The following ATF6 variants were observed in gnomAD, a reference collection of about 807,000 sequenced individuals.
ATF6 encodes the protein activating transcription factor 6.
In ATF6, 53 loss-of-function variants were observed where a neutral mutation model predicts 83.6. The ratio of observed to expected loss-of-function variants is 0.63; its 90% CI spans 0.51 to 0.80. ATF6 has a LOEUF of 0.80. Among genes scored for constraint, ATF6 ranks in the 30% least tolerant of loss-of-function variants. ATF6 has a pLI of 0.00. For missense variants in ATF6, 744 were observed against 797.9 expected, an observed-to-expected ratio of 0.93 and a Z score of 0.81; for synonymous variants, 288 against 285.8, an observed-to-expected ratio of 1.01 and a Z score of -0.08.
At chr1:161,875,075 A>C (rs922396977) in intron 14 of ATF6, among the ~76,000 whole-genome samples, 1 of 151,790 alleles carries the variant, frequency 6.6e-6, no homozygotes, top group Non-Finnish European at 1.5e-5. Flanking sequence ...TTTTGTTAAC[A>C]TTAAGAAAAA....
chr1:161,825,891 A>G (rs1209999925), intron 9 of ATF6, among the ~76,000 whole-genome samples: 1 of 152,114 alleles, frequency 6.6e-6, no homozygotes, highest in Non-Finnish European at 1.5e-5. Context: ...TTCTCTGGCA[A>G]TCAGCCTCCA....
chr1:161,879,041 G>C (rs937967727), intron 14 of ATF6, among the ~76,000 whole-genome samples: 2 of 152,110 alleles, frequency 1.3e-5, no homozygotes, highest in African/African-American at 4.8e-5. Context: ...CCTTGAGAAG[G>C]GGCAAAAGGG....
intron 14 of ATF6, among the ~76,000 whole-genome samples, chr1:161,880,046 T>A (rs577373887): frequency 6.6e-6 from 1 of 152,306 alleles, no homozygotes; most frequent in African/African-American, 2.4e-5. Flanking sequence ...ATCAGGGAAC[T>A]ATACCACTTG....
intron 15 of ATF6, among the ~76,000 whole-genome samples, chr1:161,937,614 A>G (rs1442868065): frequency 1.3e-5 from 2 of 152,014 alleles, no homozygotes; most frequent in African/African-American, 4.8e-5. Flanking sequence ...GCTGGAAACC[A>G]TCATTCTCAG....
chr1:161,942,690 A>C (rs1324878527), intron 15 of ATF6, among the ~76,000 whole-genome samples: 1 of 152,218 alleles, frequency 6.6e-6, no homozygotes, highest in Non-Finnish European at 1.5e-5. Flanking sequence ...CTTTGAAATA[A>C]GCAAGTCACT....
At chr1:161,934,707 T>C (rs151124072) in intron 15 of ATF6, among the ~76,000 whole-genome samples, 35 of 152,326 alleles carry the variant, frequency 2.3e-4, no homozygotes, top group African/African-American at 7.5e-4. Context: ...AGAACAGATA[T>C]GTTTTCATGG....
chr1:161,836,232 G>A (rs7534981), intron 9 of ATF6, among the ~76,000 whole-genome samples: 21,563 of 152,200 alleles, frequency 0.14, 2,092 homozygotes, highest in East Asian at 0.31. Flanking sequence ...CTTATCCTGA[G>A]ATGAGCTTGT....
chr1:161,770,857 C>T (rs1041584393), intron 1 of ATF6, among the ~76,000 whole-genome samples: 8 of 152,172 alleles, frequency 5.3e-5, no homozygotes, highest in Non-Finnish European at 1.0e-4. Flanking sequence ...AGCACAATTG[C>T]TGGATTGTGT....
chr1:161,932,715 A>G (rs1433562163), intron 15 of ATF6, among the ~76,000 whole-genome samples: 1 of 152,214 alleles, frequency 6.6e-6, no homozygotes, highest in Non-Finnish European at 1.5e-5. Flanking sequence ...TAGGAATCCA[A>G]GTAGAGTTTA....
chr1:161,853,411 G>T, intron 12 of ATF6, 88 bp downstream of exon 12: 6 of 983,538 alleles, frequency 6.1e-6, no homozygotes, highest in Admixed American at 6.1e-5. Flanking sequence ...TAGAAGGTTG[G>T]TAAACTTGAG....
intron 14 of ATF6, among the ~76,000 whole-genome samples, chr1:161,864,175 T>G (rs1311765736): frequency 6.6e-6 from 1 of 152,190 alleles, no homozygotes; most frequent in African/African-American, 2.4e-5. Context: ...GCTTTCTTTT[T>G]TTTTTTTAAG....
intron 15 of ATF6, among the ~76,000 whole-genome samples, chr1:161,944,294 G>A (rs1378991157): frequency 2.0e-5 from 3 of 152,138 alleles, no homozygotes; most frequent in African/African-American, 7.2e-5. Context: ...CCCTTGGACT[G>A]TCTCCAAGCA....
At chr1:161,848,486 G>A (rs1043950957) in intron 10 of ATF6, among the ~76,000 whole-genome samples, 1 of 151,888 alleles carries the variant, frequency 6.6e-6, no homozygotes, top group African/African-American at 2.4e-5. Context: ...TATTGTATTA[G>A]CCTATCATTT....
At chr1:161,926,200 CA>C (rs1212569045) in intron 15 of ATF6, among the ~76,000 whole-genome samples, 1 of 152,150 alleles carries the variant, frequency 6.6e-6, no homozygotes, top group Non-Finnish European at 1.5e-5. Flanking sequence ...ATCATCTAGG[CA>C]ATAGATGATG....
chr1:161,863,295 G>A lies in ATF6; in HGVS notation c.1702G>A (p.Val568Ile). 6.2e-7 allele frequency: 1 copy of A among 1,609,534 alleles called. No individual in the cohort carries two copies. The highest frequency in any genetic ancestry group is 2.2e-5 in the East Asian group (1 of 44,794). Residue 568 changes from valine (V) to isoleucine (I), a missense_variant, in exon 14 of 16, where the codon GTT becomes ATT. By Grantham distance (29) the Val-to-Ile change is conservative. Transcript: ENST00000367942. ...AIRRRGDTFY[V>I]VSFRRDHLLL... The stretch of plus-strand genomic sequence containing the variant: ...CCGCAGAAGGGGAGACACATTTTAT[G>A]TTGTGTCATTTCGAAGGGTAAGTTC...
chr1:161,784,596 C>CA (rs1384110309), intron 4 of ATF6, among the ~76,000 whole-genome samples: 1 of 151,928 alleles, frequency 6.6e-6, no homozygotes, highest in Non-Finnish European at 1.5e-5. Flanking sequence ...TGTGTCCAGA[C>CA]AAAAGCCCTG....
At chr1:161,808,589 T>A (rs1685362499) in intron 7 of ATF6, among the ~76,000 whole-genome samples, 1 of 152,168 alleles carries the variant, frequency 6.6e-6, no homozygotes, top group African/African-American at 2.4e-5. Context: ...TTTATTTTTT[T>A]AAAGACAGTC....
At chr1:161,916,793 A>G (rs1036979182) in intron 15 of ATF6, among the ~76,000 whole-genome samples, 4 of 152,210 alleles carry the variant, frequency 2.6e-5, no homozygotes, top group Non-Finnish European at 5.9e-5. Context: ...TTTGTATACA[A>G]TGTAATGAAT....
intron 15 of ATF6, among the ~76,000 whole-genome samples, chr1:161,912,869 A>T (rs757889513): frequency 2.0e-5 from 3 of 152,162 alleles, no homozygotes; most frequent in Non-Finnish European, 4.4e-5. Flanking sequence ...CTAGCCCTGG[A>T]CATTAAACAA....
Sources: gnomAD v4.1 joint callset for allele counts (sites outside exome capture counted in the v4.1 genomes callset) on GRCh38, gnomAD v4.1.1 for gene constraint, MANE v1.5 for transcripts, NCBI Gene and HGNC (gene_info 2026-07-23, HGNC 2026-07-21) for gene names.